RALGAPA1: variants seen among roughly 807,000 people sequenced by gnomAD.
RALGAPA1 encodes the protein Ral GTPase activating protein catalytic subunit alpha 1.
In RALGAPA1, 52 loss-of-function variants were observed where a neutral mutation model predicts 269.6. That is an observed-to-expected ratio of 0.19 (90% CI 0.15 to 0.24). The LOEUF is 0.24. RALGAPA1 is among the 10% of genes least tolerant of loss of function. The pLI, the probability that RALGAPA1 is intolerant of heterozygous loss-of-function variation, is 1.00. For synonymous variants in RALGAPA1, 817 were observed against 1,008.3 expected, an observed-to-expected ratio of 0.81 and a Z score of 3.60; for missense variants, 1,917 against 3,013.9, an observed-to-expected ratio of 0.64 and a Z score of 8.52.
At chr14:35,713,305 A>C (rs1010843870) in intron 16 of RALGAPA1, among the ~76,000 whole-genome samples, 2 of 152,208 alleles carry the variant, frequency 1.3e-5, no homozygotes, top group Non-Finnish European at 2.9e-5. Context: ...TGATGATTCA[A>C]TCAGAGTTTG....
intron 39 of RALGAPA1, among the ~76,000 whole-genome samples, chr14:35,558,725 C>T (rs1368558028): frequency 2.0e-5 from 3 of 152,152 alleles, no homozygotes; most frequent in Non-Finnish European, 2.9e-5. Flanking sequence ...CCCTTCCCCT[C>T]CTCCCTAGTG....
intron 35 of RALGAPA1, among the ~76,000 whole-genome samples, chr14:35,617,980 T>C (rs1371002437): frequency 6.6e-6 from 1 of 152,070 alleles, no homozygotes; most frequent in Non-Finnish European, 1.5e-5. Flanking sequence ...CTCAATGAAA[T>C]GGATTTTTAG....
chr14:35,678,226 C>G, intron 21 of RALGAPA1, 124 bp from the exon 22 acceptor site: 1 of 836,206 alleles, frequency 1.2e-6, no homozygotes, highest in Non-Finnish European at 1.8e-6. Flanking sequence ...TATAAACTGG[C>G]CAGGGAGGTC....
rs1016970210 is a variant in RALGAPA1 at position 35,638,939 on chromosome 14, GA to G, written c.5677-3342del. 4.1e-5 allele frequency among the ~76,000 whole-genome samples: 6 copies of G among 147,976 alleles called. No individual in the cohort carries two copies. The South Asian group carries it at 6.4e-4, about 16-fold the overall frequency. On this transcript the variant is annotated intron_variant, in intron 31 of 41. Coordinates refer to ENST00000680220, the MANE Select transcript of RALGAPA1 (RefSeq NM_001346249.2). ...AGACTCTGTCTCAAAAAGAAAGAAA[GA>G]AAAAAAAAGAATAAAAAATAAAAAC...
intron 39 of RALGAPA1, among the ~76,000 whole-genome samples, chr14:35,569,784 C>T (rs565818850): frequency 2.8e-4 from 43 of 152,196 alleles, no homozygotes; most frequent in South Asian, 6.2e-4. Flanking sequence ...GTGAGAGACC[C>T]CTTGTTACTA....
intron 37 of RALGAPA1, among the ~76,000 whole-genome samples, chr14:35,587,329 G>A (rs1017037313): frequency 6.6e-6 from 1 of 152,146 alleles, no homozygotes; most frequent in African/African-American, 2.4e-5. Context: ...CAAGGATCTA[G>A]AACTAGAAAT....
At chr14:35,555,202 T>G (rs1227492474) in intron 39 of RALGAPA1, among the ~76,000 whole-genome samples, 1 of 152,232 alleles carries the variant, frequency 6.6e-6, no homozygotes, top group East Asian at 1.9e-4. Context: ...AATTACTTCT[T>G]TAAATCCTCA....
At chr14:35,757,125 T>TATTA (rs1567167454) in intron 6 of RALGAPA1, among the ~76,000 whole-genome samples, 1 of 129,210 alleles carries the variant, frequency 7.7e-6, no homozygotes, top group African/African-American at 3.2e-5. Flanking sequence ...TATTATTTTT[T>TATTA]TTTTTTTTTT....
chr14:35,666,171 C>T (rs904978996), intron 26 of RALGAPA1, among the ~76,000 whole-genome samples: 7 of 151,840 alleles, frequency 4.6e-5, no homozygotes, highest in Non-Finnish European at 2.9e-5. Context: ...ATTACAGGTG[C>T]GTGCCACCAC....
chr14:35,731,369 T>C (rs1405368214), intron 12 of RALGAPA1, among the ~76,000 whole-genome samples: 1 of 151,972 alleles, frequency 6.6e-6, no homozygotes, highest in Non-Finnish European at 1.5e-5. Flanking sequence ...GAGCAATGGA[T>C]CCAAACCAGG....
intron 1 of RALGAPA1, among the ~76,000 whole-genome samples, chr14:35,791,284 G>A (rs551688963): frequency 6.6e-6 from 1 of 152,200 alleles, no homozygotes; most frequent in East Asian, 1.9e-4. Context: ...TTCAGATAAG[G>A]GCATATGCAA....
chr14:35,701,613 T>TG (rs2067356992), intron 16 of RALGAPA1, among the ~76,000 whole-genome samples: 1 of 152,168 alleles, frequency 6.6e-6, no homozygotes, highest in Admixed American at 6.6e-5. Flanking sequence ...CCTTCATACT[T>TG]GAAGTATCAT....
At position 35,635,515 on chromosome 14, in the gene RALGAPA1, C is replaced by G; in HGVS notation, c.5760G>C (p.Thr1920=). The G allele has an allele frequency of 6.2e-7, 1 of 1,608,536 alleles. No individual in the cohort carries two copies. The highest frequency in any genetic ancestry group is 8.5e-7 in the Non-Finnish European group (1 of 1,177,608). The change falls in exon 32 of 42, where the codon ACG becomes ACC. Residue 1920 remains threonine, a synonymous_variant. Transcript: ENST00000680220. ...TTTCTGTTTTATCGCTTTCTGCTCCCGTAGCATGAAATGGTTGGAGCAGTG... is the reference window on the plus strand; with the variant it reads ...TTTCTGTTTTATCGCTTTCTGCTCCGGTAGCATGAAATGGTTGGAGCAGTG... ...LKTLLQPFHA[T]GAESDKTEKS...
chr14:35,557,106 G>A (rs1161131133), intron 39 of RALGAPA1, among the ~76,000 whole-genome samples: 4 of 107,758 alleles, frequency 3.7e-5, no homozygotes, highest in Admixed American at 8.5e-5. Flanking sequence ...GTATGTGTGT[G>A]TGTGTGTGTG....
At chr14:35,562,760 A>G (rs772598317) in intron 39 of RALGAPA1, among the ~76,000 whole-genome samples, 3 of 152,124 alleles carry the variant, frequency 2.0e-5, no homozygotes, top group African/African-American at 4.8e-5. Context: ...GGTGGCTCAC[A>G]CCTGTAATCC....
intron 34 of RALGAPA1, 28 bp downstream of exon 34, chr14:35,627,062 A>AG (rs2061040231): frequency 6.9e-7 from 1 of 1,447,186 alleles, no homozygotes; most frequent in Non-Finnish European, 9.1e-7. Context: ...AAAAAAAAAA[A>AG]AAGAAAAAAT....
intron 9 of RALGAPA1, 134 bp from the exon 10 acceptor site, chr14:35,748,958 G>A (rs905291353): frequency 1.2e-4 from 154 of 1,337,986 alleles, no homozygotes; most frequent in East Asian, 1.3e-4. Context: ...CTTAAACTCC[G>A]GGCATAGAGT....
intron 35 of RALGAPA1, among the ~76,000 whole-genome samples, chr14:35,607,402 A>G (rs2059664226): frequency 6.6e-6 from 1 of 152,200 alleles, no homozygotes. Context: ...GCCCCATGTT[A>G]CAGAAGATCT....
chr14:35,609,847 G>A (rs931441410), intron 35 of RALGAPA1, among the ~76,000 whole-genome samples: 6 of 150,976 alleles, frequency 4.0e-5, no homozygotes, highest in Non-Finnish European at 8.8e-5. Flanking sequence ...AGGATCACTT[G>A]AGCCTGGGAG....
Sources: allele counts gnomAD v4.1 joint callset (sites outside exome capture counted in the v4.1 genomes callset), GRCh38; gene constraint gnomAD v4.1.1; transcripts MANE v1.5; gene names NCBI Gene and HGNC (gene_info 2026-07-23, HGNC 2026-07-21).